SAMD3: variants seen among roughly 807,000 people sequenced by gnomAD.
The protein encoded by SAMD3 is sterile alpha motif domain containing 3.
A neutral mutation model predicts 58.5 loss-of-function variants in SAMD3; 63 were observed. The ratio of observed to expected loss-of-function variants is 1.08; its 90% CI spans 0.88 to 1.33. The LOEUF (loss-of-function observed/expected upper bound fraction) is 1.33, where lower values mean the gene tolerates loss of function less well. Among genes scored for constraint, SAMD3 ranks in the 40% most tolerant of loss-of-function variants. The probability of loss-of-function intolerance (pLI) is 0.00; values close to 1 mark genes in which losing one functional copy is unlikely to be tolerated. For missense variants in SAMD3, 604 were observed against 608.4 expected, an observed-to-expected ratio of 0.99 and a Z score of 0.08; for synonymous variants, 220 against 210.3, an observed-to-expected ratio of 1.05 and a Z score of -0.40.
Position 130,319,680 on chromosome 6 carries a change from T to C in SAMD3, c.-303-6587A>G, listed in dbSNP as rs1383745417. On this transcript the variant is annotated intron_variant, in intron 1 of 13. Transcript: ENST00000368134. ...GATGCTAGATGGAAATTTGGTCCTATACAAAATAATGAAGAGAATTAAGAA... is the reference window on the plus strand; with the variant it reads ...GATGCTAGATGGAAATTTGGTCCTACACAAAATAATGAAGAGAATTAAGAA... Among the ~76,000 whole-genome samples, 3 of 152,146 alleles carry C rather than the reference T, an allele frequency of 2.0e-5. No individual in the cohort carries two copies. The East Asian group carries it at 5.8e-4, about 29-fold the overall frequency.
intron 7 of SAMD3, chr6:130,183,432 G>T (rs1335462430): frequency 2.2e-6 from 1 of 451,134 alleles, no homozygotes; most frequent in South Asian, 1.6e-5. Flanking sequence ...ATCTGACAGG[G>T]CCAGGTAAGG....
Position 130,305,016 on chromosome 6 carries a change from C to A in SAMD3, c.-188+7962G>T, listed in dbSNP as rs868511803. On this transcript the variant is annotated intron_variant, in intron 2 of 13. Transcript: ENST00000368134. ...GTGGTGCAATCTTGGCTCACTGTAG[C>A]CTCTGTCTCCTGTGTTCAAGTGATT... Among the ~76,000 whole-genome samples the A allele has an allele frequency of 5.0e-5, 7 of 141,408 alleles. No homozygotes were observed. The Middle Eastern group carries it at 0.012, about 250-fold the overall frequency. The allele number at this position is 141,408 out of a possible 152,430, so 92.8% of individuals were successfully genotyped here.
At chr6:130,247,673 A>G (rs1209726214) in intron 2 of SAMD3, among the ~76,000 whole-genome samples, 1 of 152,002 alleles carries the variant, frequency 6.6e-6, no homozygotes, top group African/African-American at 2.4e-5. Flanking sequence ...ATAAGAGAAC[A>G]AAGCCAGGTA....
intron 7 of SAMD3, among the ~76,000 whole-genome samples, chr6:130,180,680 T>C (rs117728626): frequency 0.016 from 2,460 of 152,264 alleles, 69 homozygotes; most frequent in Admixed American, 0.068. Context: ...TATTCTGTAG[T>C]GTGCTTACTT....
chr6:130,248,638 A>G (rs999306261), intron 2 of SAMD3, among the ~76,000 whole-genome samples: 1 of 152,168 alleles, frequency 6.6e-6, no homozygotes, highest in Non-Finnish European at 1.5e-5. Context: ...CAGGAGAAAG[A>G]AAAAAGCAAG....
chr6:130,213,771 T>G (rs1032300407), intron 4 of SAMD3, among the ~76,000 whole-genome samples: 3 of 152,180 alleles, frequency 2.0e-5, no homozygotes, highest in Non-Finnish European at 4.4e-5. Context: ...CTGCCACCAC[T>G]AATGTTTCTA....
chr6:130,291,633 C>T (rs909108647), intron 2 of SAMD3, among the ~76,000 whole-genome samples: 24 of 152,172 alleles, frequency 1.6e-4, no homozygotes, highest in Non-Finnish European at 2.8e-4. Context: ...TCTGAACATA[C>T]CAGCATGATC....
chr6:130,202,612 T>A (rs1794739708), intron 5 of SAMD3, among the ~76,000 whole-genome samples: 1 of 152,236 alleles, frequency 6.6e-6, no homozygotes, highest in Non-Finnish European at 1.5e-5. Context: ...TGTTAATAGA[T>A]GTTACACAAA....
At chr6:130,283,412 G>A (rs1177118128) in intron 2 of SAMD3, among the ~76,000 whole-genome samples, 1 of 152,102 alleles carries the variant, frequency 6.6e-6, no homozygotes, top group Non-Finnish European at 1.5e-5. Flanking sequence ...TAAGTCATGA[G>A]CAGGCTAAAT....
At chr6:130,185,935 G>C (rs1162480596) in intron 5 of SAMD3, among the ~76,000 whole-genome samples, 5 of 152,036 alleles carry the variant, frequency 3.3e-5, no homozygotes, top group Non-Finnish European at 2.9e-5. Context: ...CTAGCCTCTT[G>C]TTCACTTTAA....
intron 2 of SAMD3, among the ~76,000 whole-genome samples, chr6:130,291,606 A>G (rs1052108607): frequency 1.3e-5 from 2 of 152,220 alleles, no homozygotes; most frequent in Non-Finnish European, 2.9e-5. Flanking sequence ...GGGTCATAGC[A>G]TATTTATTTC....
chr6:130,245,576 T>G (rs1460664038), intron 2 of SAMD3, among the ~76,000 whole-genome samples: 1 of 152,218 alleles, frequency 6.6e-6, no homozygotes, highest in African/African-American at 2.4e-5. Flanking sequence ...TTTTGAAATC[T>G]AATAAAGGAA....
intron 2 of SAMD3, among the ~76,000 whole-genome samples, chr6:130,301,168 C>T (rs4278036): frequency 0.17 from 25,650 of 152,012 alleles, 2,422 homozygotes; most frequent in East Asian, 0.36. Context: ...TTTATGGCTG[C>T]GTAGTATTTC....
At chr6:130,171,306 A>T (rs1791225435) in intron 8 of SAMD3, among the ~76,000 whole-genome samples, 1 of 152,122 alleles carries the variant, frequency 6.6e-6, no homozygotes, top group Non-Finnish European at 1.5e-5. Context: ...ATTGTGGGGG[A>T]TAAACTTTTT....
intron 2 of SAMD3, among the ~76,000 whole-genome samples, chr6:130,288,440 A>G (rs11154563): frequency 0.28 from 42,300 of 152,114 alleles, 6,346 homozygotes; most frequent in East Asian, 0.45. Context: ...CTACTGATTT[A>G]AATGTTAATC....
chr6:130,280,444 T>C (rs1257854565), intron 2 of SAMD3, among the ~76,000 whole-genome samples: 2 of 152,180 alleles, frequency 1.3e-5, no homozygotes, highest in Admixed American at 6.5e-5. Flanking sequence ...CCCTCTTCTC[T>C]TCTCTCACAT....
chr6:130,191,627 T>TC (rs1035586068), intron 5 of SAMD3, among the ~76,000 whole-genome samples: 1 of 148,136 alleles, frequency 6.8e-6, no homozygotes, highest in Non-Finnish European at 1.5e-5. Context: ...TTCCTTCCTT[T>TC]TTTTTTTTTT....
At chr6:130,364,401 T>C (rs1778070121) in intron 1 of SAMD3, among the ~76,000 whole-genome samples, 1 of 152,180 alleles carries the variant, frequency 6.6e-6, no homozygotes, top group African/African-American at 2.4e-5. Flanking sequence ...ATGAGCCTAT[T>C]CCTATTACTC....
intron 4 of SAMD3, among the ~76,000 whole-genome samples, chr6:130,212,242 C>G (rs913036262): frequency 6.6e-6 from 1 of 152,056 alleles, no homozygotes; most frequent in African/African-American, 2.4e-5. Context: ...TAAGCAAATA[C>G]AACCAACAAG....
Sources: allele counts gnomAD v4.1 joint callset (sites outside exome capture counted in the v4.1 genomes callset), GRCh38; gene constraint gnomAD v4.1.1; transcripts MANE v1.5; gene names NCBI Gene and HGNC (gene_info 2026-07-23, HGNC 2026-07-21).